Variants in TNFRSF19 observed in about 807,000 individuals in gnomAD.
TNFRSF19 encodes tumor necrosis factor receptor superfamily member 19.
Under a neutral mutation model 46.4 loss-of-function variants are expected in TNFRSF19, and 27 were observed. The observed-to-expected ratio is 0.58, with a 90% CI of 0.43 to 0.80. The LOEUF is 0.80. Ranked by LOEUF, TNFRSF19 falls within the 30% of genes least tolerant of loss-of-function variation. The pLI is 0.00. For missense variants in TNFRSF19, 511 were observed against 530.8 expected, an observed-to-expected ratio of 0.96 and a Z score of 0.37; for synonymous variants, 204 against 205.0, an observed-to-expected ratio of 1.00 and a Z score of 0.04.
chr13:23,670,238 A>G (rs544559751), intron 9 of TNFRSF19, among the ~76,000 whole-genome samples: 154 of 152,292 alleles, frequency 1.0e-3, no homozygotes, highest in Non-Finnish European at 1.7e-3. Context: ...TCTGTCGCCC[A>G]GGCCAGAGCT....
chr13:23,628,633 G>A (rs1258884543), intron 5 of TNFRSF19, among the ~76,000 whole-genome samples: 3 of 152,072 alleles, frequency 2.0e-5, no homozygotes, highest in Admixed American at 2.0e-4. Flanking sequence ...CTGCCTTCTG[G>A]GTTCTGACTA....
rs536880659 is a variant in TNFRSF19 at position 23,578,067 on chromosome 13, G to A, written c.-35+7219G>A. Among the ~76,000 whole-genome samples the A allele has an allele frequency of 5.3e-5, 8 of 152,168 alleles. 1 individual carries two copies. Among genetic ancestry groups the A allele is most frequent in the Non-Finnish European group, 7.3e-5 (5 of 68,034 alleles). ...AGCTTAGAAGTGCTGAGTATCCATC[G>A]TGTGCTAGGCCCCGGGATATCAAGG... is the stretch of plus-strand genomic sequence containing the variant. On this transcript the variant is annotated intron_variant, in intron 1 of 9. Coordinates refer to ENST00000248484, the MANE Select transcript of TNFRSF19 (RefSeq NM_148957.4).
chr13:23,616,729 T>C (rs1216757789), intron 4 of TNFRSF19, among the ~76,000 whole-genome samples: 2 of 152,060 alleles, frequency 1.3e-5, no homozygotes, highest in African/African-American at 2.4e-5. Flanking sequence ...ATTACAGGCA[T>C]GCGCCACCAC....
At chr13:23,621,096 A>G (rs991109191) in intron 4 of TNFRSF19, among the ~76,000 whole-genome samples, 2 of 152,068 alleles carry the variant, frequency 1.3e-5, no homozygotes, top group Non-Finnish European at 2.9e-5. Flanking sequence ...TGATTGATTG[A>G]TGGGAATCAC....
rs763104036 is a variant in TNFRSF19, at chr13:23,615,908, G to C, written c.222G>C (p.Thr74=). The C allele has an allele frequency of 2.5e-6, 4 of 1,613,516 alleles. No homozygotes were observed. In the South Asian group the frequency reaches 4.4e-5, roughly 18 times the overall value. The change falls in exon 4 of 10, where the codon ACG becomes ACC. Residue 74 remains threonine, a synonymous_variant. Coordinates refer to ENST00000248484, the MANE Select transcript of TNFRSF19 (RefSeq NM_148957.4). ...ATGGGGAGGATGCACAGTGTGTGAC[G>C]TGCCGGCTGCACAGGTTCAAGGAGG... ...FGYGEDAQCV[T]CRLHRFKEDW...
intron 5 of TNFRSF19, among the ~76,000 whole-genome samples, chr13:23,646,771 T>C (rs1883357728): frequency 6.6e-6 from 1 of 152,226 alleles, no homozygotes; most frequent in African/African-American, 2.4e-5. Flanking sequence ...ATTCCTTATT[T>C]TCCATTCCTT....
chr13:23,664,879 G>T (rs1365052781), intron 7 of TNFRSF19, among the ~76,000 whole-genome samples: 2 of 152,162 alleles, frequency 1.3e-5, no homozygotes, highest in African/African-American at 4.8e-5. Flanking sequence ...AGTACTTGTG[G>T]ATCTAAACAT....
chr13:23,658,607 C>T (rs1884136083), intron 5 of TNFRSF19, among the ~76,000 whole-genome samples: 1 of 152,178 alleles, frequency 6.6e-6, no homozygotes, highest in Admixed American at 6.5e-5. Context: ...TTGTTTTCCC[C>T]TAAAGTTGCC....
At chr13:23,634,906 C>T in intron 5 of TNFRSF19, among the ~76,000 whole-genome samples, 1 of 152,064 alleles carries the variant, frequency 6.6e-6, no homozygotes, top group East Asian at 1.9e-4. Flanking sequence ...AGGGGGTTTA[C>T]TTGAGTACCG....
At chr13:23,613,014 T>A (rs896040680) in intron 3 of TNFRSF19, among the ~76,000 whole-genome samples, 5 of 152,004 alleles carry the variant, frequency 3.3e-5, no homozygotes, top group Non-Finnish European at 5.9e-5. Flanking sequence ...TGAATTAGAG[T>A]TTGTGTTCCA....
At chr13:23,628,980 T>C (rs1471084588) in intron 5 of TNFRSF19, among the ~76,000 whole-genome samples, 2 of 152,188 alleles carry the variant, frequency 1.3e-5, no homozygotes, top group African/African-American at 2.4e-5. Flanking sequence ...TTGGCACAGT[T>C]CTTGGCAGTA....
At chr13:23,637,657 A>G (rs1486623075) in intron 5 of TNFRSF19, among the ~76,000 whole-genome samples, 1 of 150,688 alleles carries the variant, frequency 6.6e-6, no homozygotes. Flanking sequence ...GCACAGATAT[A>G]CATTTTTTTC....
intron 4 of TNFRSF19, among the ~76,000 whole-genome samples, chr13:23,622,395 C>T (rs1271879676): frequency 5.3e-5 from 8 of 151,836 alleles, no homozygotes; most frequent in East Asian, 1.9e-4. Flanking sequence ...GGCAACAGAG[C>T]GAGACTCCAT....
At chr13:23,614,348 A>C (rs1251523089) in intron 3 of TNFRSF19, among the ~76,000 whole-genome samples, 1 of 152,270 alleles carries the variant, frequency 6.6e-6, no homozygotes, top group African/African-American at 2.4e-5. Flanking sequence ...TAGTTTATTA[A>C]GTACAGGCAG....
In TNFRSF19 at chr13:23,624,812, G is replaced by A. The variant is rs192395523; in HGVS notation, c.360-1895G>A. Among the ~76,000 whole-genome samples the A allele has an allele frequency of 6.0e-3, 911 of 150,966 alleles. 10 individuals are homozygous for A. Among genetic ancestry groups the A allele is most frequent in the African/African-American group, 0.021 (854 of 41,022 alleles). ...GTTGCCCAGGCTGGAGTGCAATGGC[G>A]CGATCTTGGCTCACTGCAACCTCTG... On this transcript the variant is annotated intron_variant, in intron 4 of 9. Coordinates refer to ENST00000248484, the MANE Select transcript of TNFRSF19 (RefSeq NM_148957.4).
chr13:23,648,023 T>A (rs1883429225), intron 5 of TNFRSF19, among the ~76,000 whole-genome samples: 1 of 152,186 alleles, frequency 6.6e-6, no homozygotes, highest in Admixed American at 6.5e-5. Context: ...CTGGGAAATG[T>A]GAGTGCTCCA....
intron 5 of TNFRSF19, among the ~76,000 whole-genome samples, chr13:23,641,120 A>C (rs1422397314): frequency 6.6e-6 from 1 of 152,190 alleles, no homozygotes. Flanking sequence ...TGGTACTATC[A>C]GCTGTGTCTT....
chr13:23,645,899 A>G (rs1022332911), intron 5 of TNFRSF19, among the ~76,000 whole-genome samples: 18 of 152,142 alleles, frequency 1.2e-4, no homozygotes, highest in African/African-American at 4.3e-4. Context: ...CACCAAACCC[A>G]TGGTCCCTCA....
At chr13:23,577,854 A>T (rs1461126800) in intron 1 of TNFRSF19, among the ~76,000 whole-genome samples, 1 of 151,918 alleles carries the variant, frequency 6.6e-6, no homozygotes, top group Non-Finnish European at 1.5e-5. Flanking sequence ...ACAGTGAGGA[A>T]CCTCCTGTGA....
Sources: allele counts gnomAD v4.1 joint callset (sites outside exome capture counted in the v4.1 genomes callset), GRCh38; gene constraint gnomAD v4.1.1; transcripts MANE v1.5; gene names NCBI Gene and HGNC (gene_info 2026-07-23, HGNC 2026-07-21).